CNTN3: variants seen among roughly 807,000 people sequenced by gnomAD.
The protein encoded by CNTN3 is contactin-3.
Under a neutral mutation model 119.1 loss-of-function variants are expected in CNTN3, and 60 were observed. The ratio of observed to expected loss-of-function variants is 0.50; its 90% CI spans 0.41 to 0.62. CNTN3 has a LOEUF of 0.62. Among genes scored for constraint, CNTN3 ranks in the 20% least tolerant of loss-of-function variants. CNTN3 has a pLI of 0.00. For missense variants in CNTN3, 1,101 were observed against 1,242.4 expected (o/e 0.89, Z 1.71); for synonymous variants, 450 against 438.7 (o/e 1.03, Z -0.32).
At chr3:74,371,136 T>C in intron 6 of CNTN3, 60 bp downstream of exon 6, 5 of 1,266,134 alleles carry the variant, frequency 3.9e-6, no homozygotes, top group Non-Finnish European at 5.7e-6. Context: ...TCCCAATTGC[T>C]TTTGTTTGCA....
At chr3:74,571,904 C>A (rs1043735322) in intron 1 of CNTN3, among the ~76,000 whole-genome samples, 1 of 152,130 alleles carries the variant, frequency 6.6e-6, no homozygotes, top group African/African-American at 2.4e-5. Context: ...TCTTTTGCAG[C>A]TATTCTCACC....
chr3:74,513,763 G>A (rs975112134), intron 2 of CNTN3, among the ~76,000 whole-genome samples: 5 of 152,050 alleles, frequency 3.3e-5, no homozygotes, highest in African/African-American at 1.2e-4. Context: ...GTAGTTAAGA[G>A]GAATAAATTG....
Position 74,295,164 on chromosome 3 carries a change from G to A in CNTN3, c.2474C>T (p.Thr825Ile). The A allele has an allele frequency of 1.2e-6, 2 of 1,613,364 alleles. No homozygotes were observed. The highest frequency in any genetic ancestry group is 1.7e-6 in the Non-Finnish European group (2 of 1,179,384). The change falls in exon 19 of 23, where the codon ACC becomes ATC. Residue 825 changes from threonine to isoleucine, a missense_variant. By Grantham distance (89) the Thr-to-Ile change is moderately conservative. Transcript: ENST00000263665. Reference sequence around the variant, plus strand: ...TCCATTGCTCAACTTCCAAGGAATGGTGTTCCATGAAACCTCAATTTCTGA... The same window carrying A: ...TCCATTGCTCAACTTCCAAGGAATGATGTTCCATGAAACCTCAATTTCTGA... Reference protein sequence around the residue: ...SSSEIEVSWNTIPWKLSNGHL... With the variant: ...SSSEIEVSWNIIPWKLSNGHL...
chr3:74,545,812 G>C (rs984106988), intron 1 of CNTN3, among the ~76,000 whole-genome samples: 1 of 151,970 alleles, frequency 6.6e-6, no homozygotes, highest in African/African-American at 2.4e-5. Context: ...TTTAAAGAAC[G>C]ATTTCTATCA....
Position 74,334,869 on chromosome 3 carries a change from A to T in CNTN3, c.1534T>A (p.Ser512Thr), listed in dbSNP as rs747439464. Reference sequence around the variant, plus strand: ...GGCAATATGACGCTTTCACCAACAGAAACATCCATGTTAGATGGTGCCAAA... The same window carrying T: ...GGCAATATGACGCTTTCACCAACAGTAACATCCATGTTAGATGGTGCCAAA... ...ITLAPSNMDVSVGESVILPCQ... is the reference protein window; with the variant it reads ...ITLAPSNMDVTVGESVILPCQ... Residue 512 changes from serine (S) to threonine (T), a missense_variant, in exon 13 of 23, where the codon TCT becomes ACT. Ser to Thr is a moderately conservative substitution (Grantham distance 58). Coordinates refer to ENST00000263665, the MANE Select transcript of CNTN3 (RefSeq NM_020872.3). 7 of 1,613,518 alleles carry T rather than the reference A, an allele frequency of 4.3e-6. No homozygotes were observed. Among genetic ancestry groups the T allele is most frequent in the Non-Finnish European group, 5.9e-6 (7 of 1,179,696 alleles).
chr3:74,603,067 G>C (rs1452473503), intron 1 of CNTN3, among the ~76,000 whole-genome samples: 1 of 152,124 alleles, frequency 6.6e-6, no homozygotes, highest in East Asian at 1.9e-4. Flanking sequence ...CCAGGGCTGG[G>C]ATGGCCCCTC....
chr3:74,355,430 C>T (rs1326591838), intron 11 of CNTN3, among the ~76,000 whole-genome samples: 1 of 151,274 alleles, frequency 6.6e-6, no homozygotes, highest in Non-Finnish European at 1.5e-5. Flanking sequence ...CACTTCAACC[C>T]ATCTGCTGGT....
chr3:74,595,764 C>T (rs1430208096), intron 1 of CNTN3, among the ~76,000 whole-genome samples: 3 of 152,116 alleles, frequency 2.0e-5, no homozygotes, highest in African/African-American at 4.8e-5. Context: ...GAAGTATTCC[C>T]TTTGAAAACT....
At chr3:74,528,757 G>A (rs1451100452) in intron 1 of CNTN3, among the ~76,000 whole-genome samples, 9 of 151,870 alleles carry the variant, frequency 5.9e-5, no homozygotes, top group Admixed American at 2.0e-4. Context: ...TCAAAGGTCT[G>A]TATTAATATA....
intron 11 of CNTN3, among the ~76,000 whole-genome samples, chr3:74,341,594 C>A (rs1359693530): frequency 6.6e-6 from 1 of 152,020 alleles, no homozygotes; most frequent in Non-Finnish European, 1.5e-5. Flanking sequence ...TTAATTATTT[C>A]ACTTAACTTT....
intron 22 of CNTN3, among the ~76,000 whole-genome samples, chr3:74,265,213 G>A (rs188596969): frequency 5.0e-4 from 76 of 152,142 alleles, no homozygotes; most frequent in African/African-American, 1.8e-3. Flanking sequence ...TCATAGAGAT[G>A]GCCCTGTGTG....
intron 5 of CNTN3, among the ~76,000 whole-genome samples, chr3:74,389,978 T>C (rs1309472254): frequency 1.3e-5 from 2 of 152,210 alleles, no homozygotes; most frequent in South Asian, 4.1e-4. Flanking sequence ...AGCATGGTGA[T>C]AATTTGTAGG....
At chr3:74,267,996 T>C (rs988660864) in intron 20 of CNTN3, among the ~76,000 whole-genome samples, 6 of 152,132 alleles carry the variant, frequency 3.9e-5, no homozygotes, top group Admixed American at 3.9e-4. Flanking sequence ...CATGGAGTAA[T>C]AGCTATACAC....
At chr3:74,342,554 T>C (rs1703573216) in intron 11 of CNTN3, among the ~76,000 whole-genome samples, 1 of 152,186 alleles carries the variant, frequency 6.6e-6, no homozygotes, top group Non-Finnish European at 1.5e-5. Flanking sequence ...CTAGAGAAGA[T>C]GGACCTTGGC....
rs143863426 is a variant in CNTN3 at position 74,378,854 on chromosome 3, G to A, written c.455-7455C>T. On this transcript the variant is annotated intron_variant, in intron 5 of 22. Coordinates refer to ENST00000263665, the MANE Select transcript of CNTN3 (RefSeq NM_020872.3). ...TTTTATTTTTTCCCTTCTTGCTTTT[G>A]TAGGGCTACCATGGTGTCCTAACTC... Among the ~76,000 whole-genome samples the A allele has an allele frequency of 7.2e-5, 11 of 152,044 alleles. No homozygotes were observed. In the East Asian group the frequency reaches 1.9e-3, roughly 27 times the overall value.
intron 13 of CNTN3, among the ~76,000 whole-genome samples, chr3:74,320,960 A>G (rs149039618): frequency 6.5e-4 from 99 of 152,290 alleles, no homozygotes; most frequent in Non-Finnish European, 6.3e-4. Flanking sequence ...AAAAAAAAAA[A>G]AGAATGAAAT....
intron 4 of CNTN3, among the ~76,000 whole-genome samples, chr3:74,450,733 A>T (rs375381102): frequency 1.4e-5 from 2 of 140,822 alleles, no homozygotes; most frequent in Admixed American, 1.6e-4. Flanking sequence ...TCATTGCTCA[A>T]TTCCCACCTA....
intron 1 of CNTN3, among the ~76,000 whole-genome samples, chr3:74,529,295 A>G (rs1703661389): frequency 6.6e-6 from 1 of 151,944 alleles, no homozygotes. Context: ...ACGTTAAAAT[A>G]TTTCAAACAG....
In CNTN3 at chr3:74,266,571, T is replaced by C. The variant is rs765564868; in HGVS notation, c.2896A>G (p.Ile966Val). The C allele has an allele frequency of 1.4e-5, 22 of 1,613,554 alleles. No homozygotes were observed. In the Admixed American group the frequency reaches 2.5e-4, roughly 18 times the overall value. ...ACTTCAATAATGTAGTCCTCTTTAATGGGCAGCACAAGTTCAGCTGAAGTT... is the reference window on the plus strand; with the variant it reads ...ACTTCAATAATGTAGTCCTCTTTAACGGGCAGCACAAGTTCAGCTGAAGTT... Reference protein sequence around the residue: ...NKTSAELVLPIKEDYIIEVKA... With the variant: ...NKTSAELVLPVKEDYIIEVKA... The change falls in exon 22 of 23, where the codon ATT becomes GTT. Residue 966 changes from isoleucine (I) to valine (V), a missense_variant. Transcript: ENST00000263665.
Sources: gnomAD v4.1 joint callset for allele counts (sites outside exome capture counted in the v4.1 genomes callset) on GRCh38, gnomAD v4.1.1 for gene constraint, MANE v1.5 for transcripts, NCBI Gene and HGNC (gene_info 2026-07-23, HGNC 2026-07-21) for gene names.